SUSD4: variants seen among roughly 807,000 people sequenced by gnomAD.
SUSD4 encodes the protein sushi domain containing 4.
In SUSD4, 41 loss-of-function variants were observed where a neutral mutation model predicts 50.5. That is an observed-to-expected ratio of 0.81 (90% CI 0.63 to 1.05). SUSD4 has a LOEUF of 1.05. Among genes scored for constraint, SUSD4 ranks in the 50% least tolerant of loss-of-function variants. The pLI is 0.00. For synonymous variants in SUSD4, 257 were observed against 257.3 expected, an observed-to-expected ratio of 1.00 and a Z score of 0.01; for missense variants, 580 against 634.7, an observed-to-expected ratio of 0.91 and a Z score of 0.93.
chr1:223,355,837 C>T (rs1277914404), intron 2 of SUSD4, among the ~76,000 whole-genome samples: 3 of 152,174 alleles, frequency 2.0e-5, no homozygotes, highest in Non-Finnish European at 4.4e-5. Flanking sequence ...GAAATGATCA[C>T]TGATCAGGTT....
chr1:223,227,262 C>T lies in SUSD4; in HGVS notation c.1061+332G>A, dbSNP rs1404872933. On this transcript the variant is annotated intron_variant, in intron 7 of 8. Transcript: ENST00000366878. The surrounding 1 kb of genome is among the most constrained non-coding windows in gnomAD (Gnocchi z 4.5). Reference sequence around the variant, plus strand: ...GCTGTGTGGTGCTTCACTCCAGGGCCACATGCAGGGGGACCACAGTGGGAA... The same window carrying T: ...GCTGTGTGGTGCTTCACTCCAGGGCTACATGCAGGGGGACCACAGTGGGAA... Among the ~76,000 whole-genome samples, 1 of 152,158 alleles carries T rather than the reference C, an allele frequency of 6.6e-6. No individual in the cohort carries two copies. The highest frequency in any genetic ancestry group is 1.5e-5 in the Non-Finnish European group (1 of 68,038).
chr1:223,332,766 C>G lies in SUSD4; in HGVS notation c.148+30512G>C, dbSNP rs752711972. ...AGGGGTAAAACTTCCTGCTGAGGCT[C>G]GGAGGTCTAAGGTTTGCTCCTTCTC... On this transcript the variant is annotated intron_variant, in intron 2 of 8. Transcript: ENST00000366878. The surrounding 1 kb of genome is among the most constrained non-coding windows in gnomAD (Gnocchi z 4.0). Among the ~76,000 whole-genome samples, 1 of 152,130 alleles carries G rather than the reference C, an allele frequency of 6.6e-6. No individual in the cohort carries two copies. Among genetic ancestry groups the G allele is most frequent in the Non-Finnish European group, 1.5e-5 (1 of 68,018 alleles).
At chr1:223,342,116 A>G (rs542372249) in intron 2 of SUSD4, among the ~76,000 whole-genome samples, 136 of 152,242 alleles carry the variant, frequency 8.9e-4, no homozygotes, top group African/African-American at 3.1e-3. Context: ...AGCCACAGTG[A>G]AACCAGGGCT....
intron 4 of SUSD4, among the ~76,000 whole-genome samples, chr1:223,268,182 A>G (rs1175327186): frequency 6.6e-6 from 1 of 151,854 alleles, no homozygotes; most frequent in Non-Finnish European, 1.5e-5. Flanking sequence ...CAGCTCAGTT[A>G]CAAGTCTCCT....
At chr1:223,322,620 G>A (rs1666641596) in intron 2 of SUSD4, among the ~76,000 whole-genome samples, 1 of 152,154 alleles carries the variant, frequency 6.6e-6, no homozygotes, top group Non-Finnish European at 1.5e-5. Flanking sequence ...CCTGGGGTGT[G>A]TGTGTGTGTA....
At chr1:223,341,603 A>T (rs17163824) in intron 2 of SUSD4, among the ~76,000 whole-genome samples, 51,188 of 152,000 alleles carry the variant, frequency 0.34, 8,761 homozygotes, top group African/African-American at 0.42. Context: ...GGGGCACCCA[A>T]GTGTTCTCAG....
intron 2 of SUSD4, among the ~76,000 whole-genome samples, chr1:223,336,201 G>A (rs966731309): frequency 3.3e-5 from 5 of 152,020 alleles, no homozygotes; most frequent in South Asian, 2.1e-4. Flanking sequence ...TGATCTGCCC[G>A]CCTTGGCCTC....
chr1:223,253,611 A>T (rs1661487802), intron 5 of SUSD4, among the ~76,000 whole-genome samples: 1 of 152,210 alleles, frequency 6.6e-6, no homozygotes, highest in East Asian at 1.9e-4. Context: ...AATATTGCCG[A>T]GTGACTCCCA....
chr1:223,318,399 T>C (rs572668348), intron 2 of SUSD4, among the ~76,000 whole-genome samples: 5 of 54,512 alleles, frequency 9.2e-5, no homozygotes, highest in Non-Finnish European at 1.8e-4. Context: ...GGTCAAATGG[T>C]ATTTCTAGTT....
At chr1:223,303,320 G>A (rs1299868886) in intron 2 of SUSD4, among the ~76,000 whole-genome samples, 1 of 152,118 alleles carries the variant, frequency 6.6e-6, no homozygotes, top group East Asian at 1.9e-4. Context: ...AAATAGATAT[G>A]AAGAAAGAAA....
In SUSD4 at chr1:223,229,392, G is replaced by C. The variant is rs749338186; in HGVS notation, c.725-4C>G. ...ACCATTGGAGGTAGTGGACAGACTT[G>C]GGCAGTAGGGGAGAATAAAAGTTTC... On this transcript the variant is annotated splice_polypyrimidine_tract_variant and splice_region_variant and intron_variant, in intron 5 of 8. Transcript: ENST00000366878. The surrounding 1 kb of genome is among the most constrained non-coding windows in gnomAD (Gnocchi z 4.7). 4 of 1,578,728 alleles carry C rather than the reference G, an allele frequency of 2.5e-6. No individual in the cohort carries two copies. The Admixed American group carries it at 5.1e-5, about 20-fold the overall frequency.
chr1:223,227,841 C>T lies in SUSD4; in HGVS notation c.917-103G>A, dbSNP rs1659622332. ...CTGGATTCATCTGGCACAAGAGATG[C>T]GTGCAAGGTGCCTCTGACCCCCAGG... On this transcript the variant is annotated intron_variant, in intron 6 of 8. Transcript: ENST00000366878. This position sits in a 1 kb window ranked among gnomAD's most constrained non-coding sequence, Gnocchi z 4.5. The T allele has an allele frequency of 6.3e-6, 9 of 1,426,418 alleles. No homozygotes were observed. Among genetic ancestry groups the T allele is most frequent in the South Asian group, 1.4e-5 (1 of 71,194 alleles). The allele number at this position is 1,426,418 out of a possible 1,614,324, so 88.4% of individuals were successfully genotyped here.
intron 3 of SUSD4, among the ~76,000 whole-genome samples, chr1:223,276,037 AACTGCTCAAAG>A (rs1663242030): frequency 6.6e-6 from 1 of 152,220 alleles, no homozygotes; most frequent in African/African-American, 2.4e-5. Context: ...TCAGCCCCCA[AACTGCTCAAAG>A]ACTGGCATGA....
intron 5 of SUSD4, among the ~76,000 whole-genome samples, chr1:223,258,608 C>T (rs936633831): frequency 3.3e-5 from 5 of 151,956 alleles, no homozygotes; most frequent in Admixed American, 6.6e-5. Flanking sequence ...CCAAGGGGGT[C>T]GGGTTTACTG....
chr1:223,350,729 G>A lies in SUSD4; in HGVS notation c.148+12549C>T, dbSNP rs560381109. Among the ~76,000 whole-genome samples the A allele has an allele frequency of 8.3e-4, 126 of 152,168 alleles. 1 individual carries two copies. Among genetic ancestry groups the A allele is most frequent in the Non-Finnish European group, 1.4e-3 (94 of 68,036 alleles). On this transcript the variant is annotated intron_variant, in intron 2 of 8. Transcript: ENST00000366878. ...GCTATGAGTACTCAACTGGGATTACGTATGTATGTATTCTGTGGTTTGAGA... is the reference window on the plus strand; with the variant it reads ...GCTATGAGTACTCAACTGGGATTACATATGTATGTATTCTGTGGTTTGAGA...
Position 223,234,778 on chromosome 1 carries a change from C to G in SUSD4, c.725-5390G>C, listed in dbSNP as rs1366987343. On this transcript the variant is annotated intron_variant, in intron 5 of 8. Transcript: ENST00000366878. ...GACGTGAAATAGAGCTTTGCCAGTCCCACCTCTGAGATACACACTAAAATA... is the reference window on the plus strand; with the variant it reads ...GACGTGAAATAGAGCTTTGCCAGTCGCACCTCTGAGATACACACTAAAATA... 5 of 749,074 alleles carry G rather than the reference C, an allele frequency of 6.7e-6. No individual in the cohort carries two copies. The African/African-American group carries it at 9.3e-5, about 14-fold the overall frequency. The allele number at this position is 749,074 out of a possible 1,614,324, so 46.4% of individuals were successfully genotyped here.
intron 2 of SUSD4, among the ~76,000 whole-genome samples, chr1:223,318,712 AAAATGGCCATACTGCCC>A (rs1666380855): frequency 6.6e-6 from 1 of 151,556 alleles, no homozygotes; most frequent in Admixed American, 6.6e-5. Flanking sequence ...GTTGTTTGTG[AAAATGGCCATACTGCCC>A]AAGGTAATTT....
intron 3 of SUSD4, among the ~76,000 whole-genome samples, chr1:223,290,393 C>G (rs1419544665): frequency 6.6e-6 from 1 of 152,220 alleles, no homozygotes; most frequent in African/African-American, 2.4e-5. Context: ...CAGGGCAACA[C>G]AAACAATCTC....
intron 2 of SUSD4, among the ~76,000 whole-genome samples, chr1:223,351,197 C>T (rs1668345152): frequency 1.3e-5 from 2 of 152,246 alleles, no homozygotes; most frequent in Admixed American, 6.5e-5. Context: ...CCAGTCCCCC[C>T]GGATTGCCAC....
Sources: gnomAD v4.1 joint callset for allele counts (sites outside exome capture counted in the v4.1 genomes callset) on GRCh38, gnomAD v4.1.1 for gene constraint, Gnocchi (gnomAD v3.1) non-coding constraint, MANE v1.5 for transcripts, NCBI Gene and HGNC (gene_info 2026-07-23, HGNC 2026-07-21) for gene names.